Variants in TMPRSS2 observed in about 807,000 individuals in gnomAD.
TMPRSS2 encodes the protein transmembrane serine protease 2, also known as transmembrane protease serine 2.
TMPRSS2 carries 59 observed loss-of-function variants against 67.4 expected under a neutral mutation model. The ratio of observed to expected loss-of-function variants is 0.88; its 90% confidence interval spans 0.71 to 1.09. The LOEUF is 1.09. Among genes scored for constraint, TMPRSS2 ranks in the 50% least tolerant of loss-of-function variants. The pLI, the probability that TMPRSS2 is intolerant of heterozygous loss-of-function variation, is 0.00. For synonymous variants in TMPRSS2, 257 were observed against 257.0 expected (o/e 1.00, Z 0.00); for missense variants, 668 against 642.7 (o/e 1.04, Z -0.43).
intron 3 of TMPRSS2, 95 bp downstream of exon 3, chr21:41,494,261 G>A (rs1738294872): frequency 3.1e-6 from 4 of 1,295,998 alleles, no homozygotes; most frequent in African/African-American, 3.0e-5. Flanking sequence ...ACCAGGAGAG[G>A]TGGCGACAGT....
chr21:41,477,445 C>T (rs2091223248), intron 7 of TMPRSS2, among the ~76,000 whole-genome samples: 1 of 152,184 alleles, frequency 6.6e-6, no homozygotes, highest in Non-Finnish European at 1.5e-5. Context: ...TTTAGCCTAG[C>T]CTCATTCCAA....
rs891070072 is a variant in TMPRSS2 at position 41,464,696 on chromosome 21, A to G, written c.*1446T>C. On this transcript the variant is annotated 3_prime_UTR_variant, in exon 14 of 14. Coordinates refer to ENST00000332149, the MANE Select transcript of TMPRSS2 (RefSeq NM_005656.4). Reference sequence around the variant, plus strand: ...AATAAAGAAGGAAGACGTTTTCACCATTACAACACCTTTTAGGATGTGTCT... The same window carrying G: ...AATAAAGAAGGAAGACGTTTTCACCGTTACAACACCTTTTAGGATGTGTCT... The G allele has an allele frequency of 4.3e-6, 1 of 233,364 alleles. No individual in the cohort carries two copies. Among genetic ancestry groups the G allele is most frequent in the Non-Finnish European group, 8.5e-6 (1 of 118,064 alleles). The allele number at this position is 233,364 out of a possible 1,614,324, so 14.5% of individuals were successfully genotyped here. A position where few individuals can be genotyped will look rare whatever the true frequency, so the allele number is the denominator to read the frequency against.
At chr21:41,468,673 GCTCATC>G in intron 11 of TMPRSS2, 135 bp from the exon 12 acceptor site, 1 of 962,886 alleles carries the variant, frequency 1.0e-6, no homozygotes, top group Non-Finnish European at 1.5e-6. Context: ...GCCCCGGTCA[GCTCATC>G]CCAGCACCAA....
intron 13 of TMPRSS2, 121 bp from the exon 14 acceptor site, chr21:41,466,274 C>A (rs2146416997): frequency 3.3e-6 from 3 of 909,190 alleles, no homozygotes; most frequent in Non-Finnish European, 5.3e-6. Context: ...CTTAATAGCA[C>A]AAAGGGATCA....
intron 1 of TMPRSS2, 151 bp downstream of exon 1, chr21:41,507,930 C>A: frequency 6.7e-7 from 1 of 1,492,320 alleles, no homozygotes; most frequent in Non-Finnish European, 8.9e-7. Context: ...CCCCAGCGCT[C>A]GACCCTCGGG....
intron 1 of TMPRSS2, 94 bp from the exon 2 acceptor site, chr21:41,498,283 G>T (rs1050174699): frequency 6.1e-6 from 5 of 819,628 alleles, no homozygotes; most frequent in East Asian, 5.5e-5. Context: ...CTAGATGAAG[G>T]TTACCTACAA....
At chr21:41,473,522 T>G (rs1601564744) in intron 8 of TMPRSS2, 26 bp from the exon 9 acceptor site, 3 of 1,592,778 alleles carry the variant, frequency 1.9e-6, no homozygotes, top group Non-Finnish European at 2.6e-6. Flanking sequence ...AGGAGGCCAG[T>G]GGGGTGAGAC....
chr21:41,467,952 A>G, intron 12 of TMPRSS2, 66 bp from the exon 13 acceptor site: 1 of 1,585,376 alleles, frequency 6.3e-7, no homozygotes, highest in Non-Finnish European at 8.6e-7. Context: ...ACCACTGACC[A>G]GGCCTAGAGG....
chr21:41,473,245 G>A, intron 9 of TMPRSS2, 80 bp downstream of exon 9: 1 of 1,443,628 alleles, frequency 6.9e-7, no homozygotes, highest in Non-Finnish European at 9.3e-7. Flanking sequence ...GGGCTGCAAG[G>A]GTTGAGACCT....
At chr21:41,497,973 T>C (rs1162720331) in intron 2 of TMPRSS2, 146 bp downstream of exon 2, 2 of 628,544 alleles carry the variant, frequency 3.2e-6, no homozygotes, top group Non-Finnish European at 5.6e-6. Flanking sequence ...ACTCACTCTT[T>C]CTAGAGGGTG....
chr21:41,472,642 A>G (rs909987961), intron 9 of TMPRSS2, among the ~76,000 whole-genome samples: 2 of 152,192 alleles, frequency 1.3e-5, no homozygotes, highest in African/African-American at 4.8e-5. Context: ...CCCATCTTAT[A>G]GTTGTACATG....
chr21:41,488,306 C>T (rs1191492988), intron 5 of TMPRSS2, 88 bp downstream of exon 5: 3 of 1,499,254 alleles, frequency 2.0e-6, no homozygotes, highest in Non-Finnish European at 2.7e-6. Flanking sequence ...GGACGCACGC[C>T]AGGCCCAGTC....
rs769723588 is a variant in TMPRSS2 at position 41,478,309 on chromosome 21, C to T, written c.683+863G>A. Among the ~76,000 whole-genome samples, 23 of 152,154 alleles carry T rather than the reference C, an allele frequency of 1.5e-4. No individual in the cohort carries two copies. Among genetic ancestry groups the T allele is most frequent in the African/African-American group, 4.8e-4 (20 of 41,446 alleles). On this transcript the variant is annotated intron_variant, in intron 7 of 13. Coordinates refer to ENST00000332149, the MANE Select transcript of TMPRSS2 (RefSeq NM_005656.4). The surrounding 1 kb of genome is among the most constrained non-coding windows in gnomAD (Gnocchi z 4.0). ...AGGCTCCCACTCAGAGGAAAGGTGGCGCGGGGTGATTAGTTCATCCTCCCC... is the reference window on the plus strand; with the variant it reads ...AGGCTCCCACTCAGAGGAAAGGTGGTGCGGGGTGATTAGTTCATCCTCCCC...
At chr21:41,507,760 G>A (rs1318248810) in intron 1 of TMPRSS2, among the ~76,000 whole-genome samples, 2 of 152,164 alleles carry the variant, frequency 1.3e-5, no homozygotes, top group Non-Finnish European at 2.9e-5. Flanking sequence ...GGGGACCCCG[G>A]GGGACTCTCT....
intron 5 of TMPRSS2, among the ~76,000 whole-genome samples, chr21:41,484,201 G>C (rs1331468998): frequency 6.6e-6 from 1 of 152,204 alleles, no homozygotes; most frequent in Admixed American, 6.5e-5. Flanking sequence ...AATAAAGCTA[G>C]TTAACATGTC....
chr21:41,494,498 C>T lies in TMPRSS2; in HGVS notation c.96G>A (p.Val32=). 1.2e-6 allele frequency: 2 copies of T among 1,614,060 alleles called. No homozygotes were observed. The highest frequency in any genetic ancestry group is 1.7e-6 in the Non-Finnish European group (2 of 1,180,008). The part of the protein sequence containing the change: ...PENPYPAQPT[V]VPTVYEVHPA... ...GATGCACCTCGTAGACAGTGGGGAC[C>T]ACAGTGGGCTGTGCGGGATAGGGGT... The change falls in exon 3 of 14, where the codon GTG becomes GTA. Residue 32 remains valine (V), a synonymous_variant. Coordinates refer to ENST00000332149, the MANE Select transcript of TMPRSS2 (RefSeq NM_005656.4).
rs115720411 is a variant in TMPRSS2, at chr21:41,475,365, G to A, written c.727+1212C>T. The stretch of plus-strand genomic sequence containing the variant: ...TGTGAGTGAGGGCGTGAGGGGGTGA[G>A]GGAGTGAGGGATTAGTGAGGGGGTG... On this transcript the variant is annotated intron_variant, in intron 8 of 13. Transcript: ENST00000332149. 3.6e-3 allele frequency among the ~76,000 whole-genome samples: 140 copies of A among 38,778 alleles called. 16 individuals are homozygous for A. Among genetic ancestry groups the A allele is most frequent in the African/African-American group, 0.028 (120 of 4,332 alleles). The allele number at this position is 38,778 out of a possible 152,430, so 25.4% of individuals were successfully genotyped here. A position where few individuals can be genotyped will look rare whatever the true frequency, so the allele number is the denominator to read the frequency against.
chr21:41,480,332 G>A lies in TMPRSS2; in HGVS notation c.572+144C>T, dbSNP rs566925007. On this transcript the variant is annotated intron_variant, in intron 6 of 13. Transcript: ENST00000332149. ...AGCCCTAGCAGGACAAATTCCACCT[G>A]CTGGTTATAGGGCTCAGCTTTTGGA... 33 of 1,366,034 alleles carry A rather than the reference G, an allele frequency of 2.4e-5. No individual in the cohort carries two copies. The Admixed American group carries it at 6.7e-4, about 28-fold the overall frequency. 84.6% of individuals were successfully genotyped at this position (1,366,034 alleles called of 1,614,324 possible). A position where few individuals can be genotyped will look rare whatever the true frequency, so the allele number is the denominator to read the frequency against.
intron 9 of TMPRSS2, 56 bp from the exon 10 acceptor site, chr21:41,472,037 G>A: frequency 6.9e-7 from 1 of 1,457,570 alleles, no homozygotes; most frequent in Non-Finnish European, 9.2e-7. Flanking sequence ...GCTCTCAGTG[G>A]ATGAACTTCC....
Sources: gnomAD v4.1 joint callset for allele counts (sites outside exome capture counted in the v4.1 genomes callset) on GRCh38, gnomAD v4.1.1 for gene constraint, Gnocchi (gnomAD v3.1) non-coding constraint, MANE v1.5 for transcripts, NCBI Gene and HGNC (gene_info 2026-07-23, HGNC 2026-07-21) for gene names.